The following HCN1 variants were observed in gnomAD, a reference collection of about 807,000 sequenced individuals.
HCN1 encodes hyperpolarization activated cyclic nucleotide gated potassium channel 1.
In HCN1, 13 loss-of-function variants were observed where a neutral mutation model predicts 78.9. The ratio of observed to expected loss-of-function variants is 0.16; its 90% confidence interval spans 0.11 to 0.26. The LOEUF is 0.26. HCN1 is among the 10% of genes least tolerant of loss of function. The pLI is 1.00. For missense variants in HCN1, 810 were observed against 1,154.3 expected (o/e 0.70, Z 4.32); for synonymous variants, 552 against 455.5 (o/e 1.21, Z -2.70).
Position 45,625,083 on chromosome 5 carries a change from G to A in HCN1, c.849+20102C>T, listed in dbSNP as rs182180665. Among the ~76,000 whole-genome samples the A allele has an allele frequency of 1.1e-4, 16 of 152,230 alleles. No homozygotes were observed. The East Asian group carries it at 3.1e-3, about 30-fold the overall frequency. The stretch of plus-strand genomic sequence containing the variant: ...AAAATTCATCTGGCTGGGCGTAGTG[G>A]CTCATGCCTGTAACCCCAGCTCTTT... On this transcript the variant is annotated intron_variant, in intron 2 of 7. Coordinates refer to ENST00000303230, the MANE Select transcript of HCN1 (RefSeq NM_021072.4).
intron 2 of HCN1, among the ~76,000 whole-genome samples, chr5:45,498,466 T>C (rs1742101820): frequency 6.6e-6 from 1 of 152,150 alleles, no homozygotes; most frequent in East Asian, 1.9e-4. Context: ...TCTGTATTGG[T>C]TATTCTAGTT....
At chr5:45,544,203 TA>T (rs1360008243) in intron 2 of HCN1, among the ~76,000 whole-genome samples, 4 of 152,036 alleles carry the variant, frequency 2.6e-5, no homozygotes, top group African/African-American at 9.7e-5. Flanking sequence ...TTTTGCTAAA[TA>T]AAAAATAATG....
intron 2 of HCN1, among the ~76,000 whole-genome samples, chr5:45,581,907 T>A (rs563995966): frequency 7.9e-4 from 120 of 152,340 alleles, no homozygotes; most frequent in Admixed American, 2.5e-3. Flanking sequence ...AGCACCATGC[T>A]GTTTTCGTTA....
chr5:45,431,343 T>C (rs1006184588), intron 3 of HCN1, among the ~76,000 whole-genome samples: 4 of 152,082 alleles, frequency 2.6e-5, no homozygotes, highest in Admixed American at 1.3e-4. Context: ...TATTAGACTT[T>C]GATGCATAGT....
Position 45,256,564 on chromosome 5 carries a change from C to G in HCN1, c.*5357G>C, listed in dbSNP as rs903312931. The G allele has an allele frequency of 6.6e-6, 1 of 152,094 alleles. No individual in the cohort carries two copies. The highest frequency in any genetic ancestry group is 1.5e-5 in the Non-Finnish European group (1 of 68,066). The allele number at this position is 152,094 out of a possible 1,614,324, so 9.4% of individuals were successfully genotyped here. The stretch of plus-strand genomic sequence containing the variant: ...GTTTTTCTTGAGAAAGGGTTTTGCT[C>G]TGTCCCCCAAGCTGGAGTGCAGTGG... On this transcript the variant is annotated 3_prime_UTR_variant, in exon 8 of 8. Coordinates refer to ENST00000303230, the MANE Select transcript of HCN1 (RefSeq NM_021072.4).
intron 2 of HCN1, among the ~76,000 whole-genome samples, chr5:45,506,918 C>CA (rs1366785387): frequency 1.3e-5 from 2 of 152,052 alleles, no homozygotes; most frequent in Non-Finnish European, 2.9e-5. Context: ...CTCAAACCTG[C>CA]ATACTAAAAG....
chr5:45,467,223 A>G (rs1264331839), intron 2 of HCN1, among the ~76,000 whole-genome samples: 2 of 151,916 alleles, frequency 1.3e-5, no homozygotes, highest in East Asian at 3.9e-4. Context: ...CAAAGACGCA[A>G]CTTCTCTGGT....
At chr5:45,622,787 C>A (rs536683425) in intron 2 of HCN1, among the ~76,000 whole-genome samples, 2 of 152,026 alleles carry the variant, frequency 1.3e-5, no homozygotes, top group African/African-American at 2.4e-5. Flanking sequence ...AAAGAGTAAA[C>A]CGTTTATTCA....
intron 2 of HCN1, among the ~76,000 whole-genome samples, chr5:45,580,270 A>G (rs971204894): frequency 1.3e-5 from 2 of 152,126 alleles, no homozygotes; most frequent in African/African-American, 4.8e-5. Flanking sequence ...AGGACCTTAA[A>G]TGTGAACAAG....
At chr5:45,522,876 A>T (rs934945307) in intron 2 of HCN1, among the ~76,000 whole-genome samples, 1 of 151,562 alleles carries the variant, frequency 6.6e-6, no homozygotes, top group Non-Finnish European at 1.5e-5. Flanking sequence ...TTATTACTAT[A>T]CTTTAAGTTT....
chr5:45,440,281 C>G (rs1023343135), intron 3 of HCN1, among the ~76,000 whole-genome samples: 4 of 151,736 alleles, frequency 2.6e-5, no homozygotes, highest in Non-Finnish European at 5.9e-5. Flanking sequence ...TGTAGAACTC[C>G]CAGGGTAAGA....
chr5:45,335,535 G>T lies in HCN1; in HGVS notation c.1377+17565C>A, dbSNP rs575548570. On this transcript the variant is annotated intron_variant, in intron 5 of 7. Transcript: ENST00000303230. ...CAAAAGAAATGGGGCATATGATATTGCTGGGTTTGGTGTCCCTCCTGAGTA... is the reference window on the plus strand; with the variant it reads ...CAAAAGAAATGGGGCATATGATATTTCTGGGTTTGGTGTCCCTCCTGAGTA... Among the ~76,000 whole-genome samples, 26 of 152,150 alleles carry T rather than the reference G, an allele frequency of 1.7e-4. 1 individual carries two copies. The highest frequency in any genetic ancestry group is 6.3e-4 in the African/African-American group (26 of 41,564).
chr5:45,609,135 T>G (rs1021882487), intron 2 of HCN1, among the ~76,000 whole-genome samples: 1 of 151,830 alleles, frequency 6.6e-6, no homozygotes, highest in Non-Finnish European at 1.5e-5. Flanking sequence ...GGGAGAATAC[T>G]GTATCGATTT....
chr5:45,573,680 TA>T (rs552560135), intron 2 of HCN1, among the ~76,000 whole-genome samples: 3 of 151,770 alleles, frequency 2.0e-5, no homozygotes, highest in South Asian at 2.1e-4. Flanking sequence ...ACTATATACT[TA>T]AAAAAAATCT....
rs371630399 is a variant in HCN1, at chr5:45,480,913, CTA to C, written c.850-18908_850-18907del. The stretch of plus-strand genomic sequence containing the variant: ...TAATATAACTAGCATCTTTCAAACA[CTA>C]TGTCATATGAATTTTGAAAATTATA... On this transcript the variant is annotated intron_variant, in intron 2 of 7. Coordinates refer to ENST00000303230, the MANE Select transcript of HCN1 (RefSeq NM_021072.4). 2.9e-3 allele frequency among the ~76,000 whole-genome samples: 445 copies of C among 152,324 alleles called. 2 individuals are homozygous for C. The highest frequency in any genetic ancestry group is 0.01 in the African/African-American group (418 of 41,576).
chr5:45,345,136 G>T (rs775428203), intron 5 of HCN1, among the ~76,000 whole-genome samples: 2 of 152,164 alleles, frequency 1.3e-5, no homozygotes, highest in African/African-American at 2.4e-5. Flanking sequence ...CTTGGGGCTT[G>T]CACCCTCTGA....
At chr5:45,320,254 A>G (rs1408451640) in intron 5 of HCN1, among the ~76,000 whole-genome samples, 2 of 151,822 alleles carry the variant, frequency 1.3e-5, no homozygotes, top group Admixed American at 6.6e-5. Flanking sequence ...ATACCACATG[A>G]CACCTCATCT....
chr5:45,265,100 G>A (rs1744831163), intron 7 of HCN1, among the ~76,000 whole-genome samples: 1 of 151,822 alleles, frequency 6.6e-6, no homozygotes, highest in Non-Finnish European at 1.5e-5. Context: ...TGAGGCAGGA[G>A]AATTGCTTGA....
At chr5:45,455,760 C>CAAAAAAA (rs571706502) in intron 3 of HCN1, among the ~76,000 whole-genome samples, 1 of 59,842 alleles carries the variant, frequency 1.7e-5, no homozygotes, top group Non-Finnish European at 4.0e-5. Flanking sequence ...TTCTGGAACT[C>CAAAAAAA]AAAAAAAAAA....
Sources: gnomAD v4.1 joint callset for allele counts (sites outside exome capture counted in the v4.1 genomes callset) on GRCh38, gnomAD v4.1.1 for gene constraint, MANE v1.5 for transcripts, NCBI Gene and HGNC (gene_info 2026-07-23, HGNC 2026-07-21) for gene names.